Variants in PTPRK observed in about 807,000 individuals in gnomAD.
PTPRK encodes receptor-type tyrosine-protein phosphatase kappa.
A neutral mutation model predicts 178.0 loss-of-function variants in PTPRK; 75 were observed. The ratio of observed to expected loss-of-function variants is 0.42; its 90% CI spans 0.35 to 0.51. The LOEUF is 0.51. Ranked by LOEUF, PTPRK falls within the 20% of genes least tolerant of loss-of-function variation. The probability of loss-of-function intolerance (pLI) is 0.02; values close to 1 mark genes in which losing one functional copy is unlikely to be tolerated. For synonymous variants in PTPRK, 637 were observed against 620.6 expected (o/e 1.03, Z -0.39); for missense variants, 1,441 against 1,797.8 (o/e 0.80, Z 3.59).
chr6:128,347,952 T>C (rs1832634996), intron 2 of PTPRK, among the ~76,000 whole-genome samples: 1 of 152,058 alleles, frequency 6.6e-6, no homozygotes, highest in Non-Finnish European at 1.5e-5. Context: ...TCTTGAAATC[T>C]TGCTTTATCA....
chr6:128,003,157 A>G, intron 15 of PTPRK: 1 of 1,558,858 alleles, frequency 6.4e-7, no homozygotes. Flanking sequence ...AGGAGGTGTG[A>G]TCCATGCAAT....
chr6:128,151,311 A>G (rs1797214045), intron 7 of PTPRK, among the ~76,000 whole-genome samples: 1 of 152,076 alleles, frequency 6.6e-6, no homozygotes, highest in African/African-American at 2.4e-5. Flanking sequence ...TTACTTTATG[A>G]ATGTATATTG....
At chr6:128,133,947 A>G (rs1034457292) in intron 7 of PTPRK, among the ~76,000 whole-genome samples, 1 of 152,224 alleles carries the variant, frequency 6.6e-6, no homozygotes, top group African/African-American at 2.4e-5. Context: ...CAAATTTATA[A>G]TAAGAATATA....
At position 128,520,544 on chromosome 6, in the gene PTPRK, CGCCG is replaced by C. The variant is rs1858905634; in HGVS notation, c.-190_-187del. On this transcript the variant is annotated 5_prime_UTR_variant, in exon 1 of 30. The change creates a premature stop within an existing upstream ORF in the 5' untranslated region. Transcript: ENST00000368226. ...TCAGGGGCGAAAGCGTCGCCAGCGT[CGCCG>C]GCCGGCCGCGGCGGCAGCTCTCCAT... is the stretch of plus-strand genomic sequence containing the variant. The C allele has an allele frequency of 5.2e-6, 3 of 581,226 alleles. No individual in the cohort carries two copies. In the African/African-American group the frequency reaches 5.7e-5, roughly 11 times the overall value. The allele number at this position is 581,226 out of a possible 1,614,324, so 36.0% of individuals were successfully genotyped here. A position where few individuals can be genotyped will look rare whatever the true frequency, so the allele number is the denominator to read the frequency against.
chr6:128,225,782 A>AG (rs1337873407), intron 5 of PTPRK, among the ~76,000 whole-genome samples: 2 of 150,486 alleles, frequency 1.3e-5, no homozygotes, highest in Non-Finnish European at 2.9e-5. Context: ...GTGTTCTCCT[A>AG]GAAAAAAAAA....
intron 6 of PTPRK, among the ~76,000 whole-genome samples, chr6:128,217,592 T>C (rs1374955049): frequency 3.3e-5 from 5 of 152,170 alleles, no homozygotes; most frequent in Non-Finnish European, 5.9e-5. Flanking sequence ...GTTAAAGTAT[T>C]AAAAACAAGA....
At chr6:128,254,729 A>G (rs1435758252) in intron 3 of PTPRK, among the ~76,000 whole-genome samples, 1 of 150,786 alleles carries the variant, frequency 6.6e-6, no homozygotes, top group Non-Finnish European at 1.5e-5. Flanking sequence ...GAGATTATTC[A>G]GAAGTTAGTC....
At chr6:128,464,651 A>ATGTATATG (rs1313615699) in intron 1 of PTPRK, among the ~76,000 whole-genome samples, 1 of 98,220 alleles carries the variant, frequency 1.0e-5, no homozygotes, top group African/African-American at 4.9e-5. Flanking sequence ...ATATATATAT[A>ATGTATATG]TATATATATA....
At chr6:128,504,856 C>G (rs1856092465) in intron 1 of PTPRK, among the ~76,000 whole-genome samples, 1 of 152,108 alleles carries the variant, frequency 6.6e-6, no homozygotes, top group Non-Finnish European at 1.5e-5. Flanking sequence ...TTTTCAGTTA[C>G]TCATTTTCTG....
At chr6:128,472,124 T>G (rs1473113385) in intron 1 of PTPRK, among the ~76,000 whole-genome samples, 1 of 152,098 alleles carries the variant, frequency 6.6e-6, no homozygotes, top group Non-Finnish European at 1.5e-5. Context: ...CAAGGCTGCT[T>G]CTTCCCTCCA....
chr6:128,135,114 A>ACACACACACACT (rs1175958889), intron 7 of PTPRK, among the ~76,000 whole-genome samples: 6 of 149,644 alleles, frequency 4.0e-5, no homozygotes, highest in African/African-American at 1.5e-4. Flanking sequence ...ACACACACAC[A>ACACACACACACT]CTCTCCTAAT....
intron 27 of PTPRK, among the ~76,000 whole-genome samples, chr6:127,975,477 C>T (rs756135176): frequency 3.3e-5 from 5 of 152,216 alleles, no homozygotes; most frequent in Non-Finnish European, 7.4e-5. Context: ...TAACCAGACA[C>T]ACACGTAGTC....
At chr6:128,101,606 T>C (rs1788796858) in intron 7 of PTPRK, among the ~76,000 whole-genome samples, 1 of 152,188 alleles carries the variant, frequency 6.6e-6, no homozygotes, top group Non-Finnish European at 1.5e-5. Flanking sequence ...CCTTTGAAAG[T>C]ACAGTTCTAA....
chr6:128,384,862 C>T (rs530130055), intron 2 of PTPRK, among the ~76,000 whole-genome samples: 1 of 151,548 alleles, frequency 6.6e-6, no homozygotes, highest in East Asian at 1.9e-4. Context: ...TATTTTCAGT[C>T]TCCTCTTAAA....
intron 7 of PTPRK, among the ~76,000 whole-genome samples, chr6:128,097,114 C>T (rs908759532): frequency 3.3e-5 from 5 of 152,192 alleles, no homozygotes; most frequent in Middle Eastern, 3.4e-3. Flanking sequence ...AATGATAAGT[C>T]GGTGAGATGA....
intron 3 of PTPRK, among the ~76,000 whole-genome samples, chr6:128,254,945 A>G (rs890615378): frequency 3.9e-5 from 6 of 152,196 alleles, no homozygotes; most frequent in African/African-American, 1.4e-4. Flanking sequence ...TTCATAGACC[A>G]ATGTTGTTAC....
chr6:128,238,788 A>T lies in PTPRK; in HGVS notation c.693+1247T>A, dbSNP rs574117791. On this transcript the variant is annotated intron_variant, in intron 5 of 29. Transcript: ENST00000368226. Reference sequence around the variant, plus strand: ...GAGAAATTACCATAATCACAGAAAAAAGGGACCCTCATCTCCTTTTCATAT... The same window carrying T: ...GAGAAATTACCATAATCACAGAAAATAGGGACCCTCATCTCCTTTTCATAT... Among the ~76,000 whole-genome samples the T allele has an allele frequency of 2.6e-5, 4 of 152,224 alleles. No homozygotes were observed. In the East Asian group the frequency reaches 7.7e-4, roughly 29 times the overall value.
At chr6:128,475,799 G>C (rs1385334226) in intron 1 of PTPRK, among the ~76,000 whole-genome samples, 1 of 151,928 alleles carries the variant, frequency 6.6e-6, no homozygotes, top group Non-Finnish European at 1.5e-5. Flanking sequence ...TTATTTGAGA[G>C]CCATCATTTC....
At chr6:127,997,927 GGATTCTT>G (rs1472341636) in intron 16 of PTPRK, among the ~76,000 whole-genome samples, 1 of 152,024 alleles carries the variant, frequency 6.6e-6, no homozygotes, top group Non-Finnish European at 1.5e-5. Flanking sequence ...AATATTACTT[GGATTCTT>G]TCACTTTAAA....
Sources: gnomAD v4.1 joint callset for allele counts (sites outside exome capture counted in the v4.1 genomes callset) on GRCh38, gnomAD v4.1.1 for gene constraint, MANE v1.5 for transcripts, NCBI Gene and HGNC (gene_info 2026-07-23, HGNC 2026-07-21) for gene names.